Variants in KCNH7 observed in about 807,000 individuals in gnomAD.
The protein encoded by KCNH7 is voltage-gated inwardly rectifying potassium channel KCNH7.
KCNH7 carries 49 observed loss-of-function variants against 120.8 expected under a neutral mutation model. The observed-to-expected ratio is 0.41, with a 90% confidence interval of 0.32 to 0.51. The LOEUF (loss-of-function observed/expected upper bound fraction) is 0.51, where lower values mean the gene tolerates loss of function less well. KCNH7 is among the 20% of genes least tolerant of loss of function. The pLI is 0.38. For synonymous variants in KCNH7, 547 were observed against 516.1 expected, an observed-to-expected ratio of 1.06 and a Z score of -0.81; for missense variants, 1,097 against 1,446.6, an observed-to-expected ratio of 0.76 and a Z score of 3.92.
intron 11 of KCNH7, among the ~76,000 whole-genome samples, chr2:162,395,624 G>A (rs11678257): frequency 0.013 from 2,014 of 151,430 alleles, 23 homozygotes; most frequent in Non-Finnish European, 0.02. Flanking sequence ...ACTAAGATTG[G>A]GACAAATTAC....
intron 2 of KCNH7, among the ~76,000 whole-genome samples, chr2:162,549,006 T>C (rs1301281130): frequency 6.6e-6 from 1 of 152,176 alleles, no homozygotes; most frequent in African/African-American, 2.4e-5. Context: ...GCTTGTGGTA[T>C]AACCATTTCC....
chr2:162,454,024 T>C (rs1688870659), intron 6 of KCNH7, among the ~76,000 whole-genome samples: 1 of 152,168 alleles, frequency 6.6e-6, no homozygotes, highest in Non-Finnish European at 1.5e-5. Context: ...CATGAAGTCT[T>C]TGCCCAAGCC....
chr2:162,770,427 A>T (rs1292212413), intron 2 of KCNH7, among the ~76,000 whole-genome samples: 1 of 151,820 alleles, frequency 6.6e-6, no homozygotes, highest in Admixed American at 6.6e-5. Context: ...ACTATTAAAG[A>T]TGAGATTTAC....
intron 6 of KCNH7, among the ~76,000 whole-genome samples, chr2:162,464,952 T>C (rs950287759): frequency 7.9e-5 from 12 of 152,118 alleles, no homozygotes; most frequent in Admixed American, 2.0e-4. Context: ...TGCCAACTTT[T>C]TACTTAACCA....
intron 2 of KCNH7, among the ~76,000 whole-genome samples, chr2:162,597,196 T>C (rs1559036331): frequency 1.3e-5 from 2 of 152,082 alleles, no homozygotes; most frequent in South Asian, 2.1e-4. Context: ...TTTTGGGTGA[T>C]ACATCCAAAT....
At chr2:162,773,281 A>T (rs1267168968) in intron 2 of KCNH7, among the ~76,000 whole-genome samples, 2 of 152,168 alleles carry the variant, frequency 1.3e-5, no homozygotes, top group African/African-American at 4.8e-5. Flanking sequence ...TGAGGCCAAG[A>T]GTTCGAGACC....
At chr2:162,730,933 T>TA (rs1477123198) in intron 2 of KCNH7, among the ~76,000 whole-genome samples, 2 of 151,960 alleles carry the variant, frequency 1.3e-5, no homozygotes, top group Non-Finnish European at 2.9e-5. Flanking sequence ...TCTATCCTTA[T>TA]AATATACACA....
chr2:162,631,120 T>A (rs1163561894), intron 2 of KCNH7, among the ~76,000 whole-genome samples: 2 of 152,092 alleles, frequency 1.3e-5, no homozygotes, highest in Non-Finnish European at 1.5e-5. Context: ...GCTGAGCAGG[T>A]TTGTCCTGGT....
At chr2:162,737,892 C>G (rs143183658) in intron 2 of KCNH7, among the ~76,000 whole-genome samples, 1 of 151,610 alleles carries the variant, frequency 6.6e-6, no homozygotes, top group East Asian at 1.9e-4. Context: ...TGGTGAAATC[C>G]CATCTCTACT....
chr2:162,375,454 G>C (rs1394967652), intron 14 of KCNH7, among the ~76,000 whole-genome samples: 1 of 152,182 alleles, frequency 6.6e-6, no homozygotes, highest in Non-Finnish European at 1.5e-5. Context: ...TGAGGCTTCA[G>C]CATCCATACA....
intron 3 of KCNH7, among the ~76,000 whole-genome samples, chr2:162,532,765 C>T (rs915658689): frequency 3.3e-5 from 5 of 151,870 alleles, no homozygotes; most frequent in African/African-American, 7.2e-5. Context: ...AGTATATACA[C>T]ATTATCTACT....
intron 8 of KCNH7, among the ~76,000 whole-genome samples, chr2:162,426,948 T>C (rs940237303): frequency 6.6e-6 from 1 of 152,136 alleles, no homozygotes; most frequent in African/African-American, 2.4e-5. Flanking sequence ...TAGGATTTTA[T>C]ATAAGTGGAA....
intron 6 of KCNH7, among the ~76,000 whole-genome samples, chr2:162,493,713 A>G (rs1690403194): frequency 6.6e-6 from 1 of 152,216 alleles, no homozygotes; most frequent in Non-Finnish European, 1.5e-5. Flanking sequence ...TTGCCATCAT[A>G]ACATGTAATT....
intron 13 of KCNH7, among the ~76,000 whole-genome samples, chr2:162,382,095 A>G (rs1235325451): frequency 1.3e-5 from 2 of 152,080 alleles, no homozygotes; most frequent in South Asian, 4.1e-4. Context: ...AAGCTTACAG[A>G]ATTTCTGCCT....
In KCNH7 at chr2:162,427,945, G is replaced by C. The variant is rs544550019; in HGVS notation, c.1955-4410C>G. 4.6e-5 allele frequency among the ~76,000 whole-genome samples: 7 copies of C among 151,700 alleles called. No individual in the cohort carries two copies. The South Asian group carries it at 1.0e-3, about 22-fold the overall frequency. On this transcript the variant is annotated intron_variant, in intron 8 of 15. Transcript: ENST00000332142. ...TAGTTGGAGGCTTATCAGTTTGACT[G>C]ATTTTAAAAATTACTTCCATTAACT... is the stretch of plus-strand genomic sequence containing the variant.
chr2:162,832,750 C>G (rs761351481), intron 2 of KCNH7, among the ~76,000 whole-genome samples: 2 of 151,986 alleles, frequency 1.3e-5, no homozygotes, highest in African/African-American at 2.4e-5. Flanking sequence ...ACATCTTCAC[C>G]TTGATTCACA....
intron 8 of KCNH7, among the ~76,000 whole-genome samples, chr2:162,430,100 G>A (rs943389975): frequency 6.6e-6 from 1 of 151,886 alleles, no homozygotes; most frequent in East Asian, 1.9e-4. Flanking sequence ...TTGAGGATCT[G>A]CTTGTTCCTT....
intron 7 of KCNH7, among the ~76,000 whole-genome samples, chr2:162,443,050 T>G (rs1011859397): frequency 4.6e-5 from 7 of 152,150 alleles, no homozygotes. Flanking sequence ...ATCTTGTATA[T>G]CTAAACAACA....
rs1232995241 is a variant in KCNH7, at chr2:162,400,304, G to C, written c.2292C>G (p.Thr764=). Residue 764 remains threonine (T), a synonymous_variant, in exon 10 of 16, where the codon ACC becomes ACG. Coordinates refer to ENST00000332142, the MANE Select transcript of KCNH7 (RefSeq NM_033272.4). The stretch of plus-strand genomic sequence containing the variant: ...CGAGGGTGTCTCCTGGAGGTGCATG[G>C]GTGGTTTTGAACTTCATTGCCAAAG... The part of the protein sequence containing the change: ...LRALAMKFKT[T]HAPPGDTLVH... The C allele has an allele frequency of 1.2e-6, 2 of 1,612,516 alleles. No homozygotes were observed. The highest frequency in any genetic ancestry group is 1.1e-5 in the South Asian group (1 of 91,066).
Sources: gnomAD v4.1 joint callset for allele counts (sites outside exome capture counted in the v4.1 genomes callset) on GRCh38, gnomAD v4.1.1 for gene constraint, MANE v1.5 for transcripts, NCBI Gene and HGNC (gene_info 2026-07-23, HGNC 2026-07-21) for gene names.